Variants in TENM4 observed in about 807,000 individuals in gnomAD.
TENM4 encodes teneurin-4.
A neutral mutation model predicts 243.3 loss-of-function variants in TENM4; 82 were observed. That is an observed-to-expected ratio of 0.34 (90% CI 0.28 to 0.40). TENM4 has a LOEUF of 0.40. TENM4 is among the 10% of genes least tolerant of loss of function. The pLI is 1.00. For synonymous variants in TENM4, 1,412 were observed against 1,456.3 expected (o/e 0.97, Z 0.69); for missense variants, 3,138 against 3,673.3 (o/e 0.85, Z 3.77).
chr11:79,203,363 T>A (rs1863786172), intron 3 of TENM4, among the ~76,000 whole-genome samples: 1 of 152,206 alleles, frequency 6.6e-6, no homozygotes, highest in Admixed American at 6.5e-5. Context: ...ACAACCCAAA[T>A]GTCCATCAGC....
At chr11:79,248,608 G>T (rs1356985490) in intron 2 of TENM4, among the ~76,000 whole-genome samples, 2 of 152,200 alleles carry the variant, frequency 1.3e-5, no homozygotes, top group African/African-American at 2.4e-5. Flanking sequence ...ATTTTCAGGG[G>T]GAAAAAGTCT....
At chr11:79,298,113 T>C (rs527651112) in intron 1 of TENM4, among the ~76,000 whole-genome samples, 1 of 152,164 alleles carries the variant, frequency 6.6e-6, no homozygotes, top group East Asian at 1.9e-4. Flanking sequence ...TTCATCAGTT[T>C]CTCCAAGGCC....
chr11:78,763,397 G>A (rs1334454735), intron 18 of TENM4, among the ~76,000 whole-genome samples: 1 of 152,120 alleles, frequency 6.6e-6, no homozygotes, highest in Non-Finnish European at 1.5e-5. Flanking sequence ...AAAAAAGAAG[G>A]GGGGCCAGCA....
At chr11:79,077,377 C>T (rs1252936982) in intron 4 of TENM4, among the ~76,000 whole-genome samples, 2 of 152,046 alleles carry the variant, frequency 1.3e-5, no homozygotes, top group Non-Finnish European at 2.9e-5. Context: ...AAATGAAAAC[C>T]AAAGAATGTC....
In TENM4 at chr11:78,928,267, G is replaced by A. The variant is rs141889357; in HGVS notation, c.494-24744C>T. Among the ~76,000 whole-genome samples, 1,073 of 152,300 alleles carry A rather than the reference G, an allele frequency of 7.0e-3. 15 individuals are homozygous for A. The highest frequency in any genetic ancestry group is 0.024 in the African/African-American group (993 of 41,558). ...GAAGGAGATTAGGAGGACCAGGGCT[G>A]TCCTACCCAGCTTGCTGGAAAGTTT... is the stretch of plus-strand genomic sequence containing the variant. On this transcript the variant is annotated intron_variant, in intron 6 of 33. Coordinates refer to ENST00000278550, the MANE Select transcript of TENM4 (RefSeq NM_001098816.3).
intron 1 of TENM4, among the ~76,000 whole-genome samples, chr11:79,344,753 C>T (rs1305570774): frequency 1.3e-5 from 2 of 152,308 alleles, no homozygotes; most frequent in Admixed American, 6.5e-5. Flanking sequence ...GCAGAGTAAT[C>T]AGGCCATCTG....
intron 19 of TENM4, among the ~76,000 whole-genome samples, chr11:78,744,758 C>A (rs961481535): frequency 4.6e-5 from 7 of 152,300 alleles, no homozygotes; most frequent in African/African-American, 1.7e-4. Flanking sequence ...CGCTGGTTCA[C>A]CTTGGGAAGG....
intron 4 of TENM4, among the ~76,000 whole-genome samples, chr11:79,130,606 G>A (rs1356284663): frequency 6.6e-6 from 1 of 152,118 alleles, no homozygotes; most frequent in Non-Finnish European, 1.5e-5. Flanking sequence ...GGTGGATCAC[G>A]AGATCAGGAG....
At chr11:78,926,631 A>G (rs1031429814) in intron 6 of TENM4, among the ~76,000 whole-genome samples, 2 of 151,388 alleles carry the variant, frequency 1.3e-5, no homozygotes, top group African/African-American at 4.8e-5. Context: ...AATTTTGTAC[A>G]CATATCACTT....
At chr11:79,192,306 C>T (rs191018706) in intron 3 of TENM4, among the ~76,000 whole-genome samples, 3 of 152,300 alleles carry the variant, frequency 2.0e-5, no homozygotes, top group South Asian at 2.1e-4. Flanking sequence ...ATGACGATGG[C>T]GGTTTTCTGG....
At chr11:79,188,424 T>C (rs1004971541) in intron 3 of TENM4, among the ~76,000 whole-genome samples, 1 of 152,094 alleles carries the variant, frequency 6.6e-6, no homozygotes, top group South Asian at 2.1e-4. Context: ...GCAGGATTCA[T>C]AGACCCCAGC....
chr11:78,730,632 A>G (rs141718066), intron 21 of TENM4, among the ~76,000 whole-genome samples: 119 of 152,348 alleles, frequency 7.8e-4, no homozygotes, highest in African/African-American at 2.3e-3. Context: ...CAGACAGCAA[A>G]AGCAGATAAC....
intron 6 of TENM4, among the ~76,000 whole-genome samples, chr11:79,001,330 G>T (rs890665547): frequency 6.6e-6 from 1 of 152,134 alleles, no homozygotes; most frequent in African/African-American, 2.4e-5. Flanking sequence ...TGCAGATGCT[G>T]GGCTGAAGGC....
In TENM4 at chr11:79,379,505, T is replaced by C. The variant is rs140031303; in HGVS notation, c.-321+61004A>G. On this transcript the variant is annotated intron_variant, in intron 1 of 33. Coordinates refer to ENST00000278550, the MANE Select transcript of TENM4 (RefSeq NM_001098816.3). ...AATGGACTGGATCAGGGTGGTCCAA[T>C]TTGAGATGGAGAGACGGATGGGTTC... is the stretch of plus-strand genomic sequence containing the variant. 1.8e-4 allele frequency among the ~76,000 whole-genome samples: 28 copies of C among 152,196 alleles called. No homozygotes were observed. The East Asian group carries it at 5.4e-3, about 29-fold the overall frequency.
At chr11:78,993,645 T>C (rs1025274300) in intron 6 of TENM4, among the ~76,000 whole-genome samples, 27 of 152,284 alleles carry the variant, frequency 1.8e-4, no homozygotes, top group African/African-American at 6.3e-4. Context: ...GTGTACAATC[T>C]GCTGTTAAAC....
rs555053245 is a variant in TENM4, at chr11:79,236,759, G to A, written c.-264-20850C>T. ...AACAATATACTGACTCCCTTGCGGCGAGACCCAAGTTCTATGGAGCAAATG... is the reference window on the plus strand; with the variant it reads ...AACAATATACTGACTCCCTTGCGGCAAGACCCAAGTTCTATGGAGCAAATG... On this transcript the variant is annotated intron_variant, in intron 2 of 33. Transcript: ENST00000278550. Among the ~76,000 whole-genome samples the A allele has an allele frequency of 4.6e-5, 7 of 152,254 alleles. No homozygotes were observed. The South Asian group carries it at 1.0e-3, about 23-fold the overall frequency.
At chr11:79,336,651 A>G (rs1857152829) in intron 1 of TENM4, among the ~76,000 whole-genome samples, 1 of 152,226 alleles carries the variant, frequency 6.6e-6, no homozygotes, top group Non-Finnish European at 1.5e-5. Context: ...TAAAATGGGA[A>G]TTACAATGCC....
At chr11:79,130,349 C>T (rs2137158726) in intron 4 of TENM4, among the ~76,000 whole-genome samples, 1 of 152,252 alleles carries the variant, frequency 6.6e-6, no homozygotes, top group African/African-American at 2.4e-5. Flanking sequence ...CCCCAAAAAT[C>T]ACACGAGTTC....
rs565729079 is a variant in TENM4 at position 78,859,434 on chromosome 11, G to C, written c.1256-3256C>G. Among the ~76,000 whole-genome samples the C allele has an allele frequency of 2.6e-5, 4 of 152,340 alleles. No individual in the cohort carries two copies. In the East Asian group the frequency reaches 7.7e-4, roughly 29 times the overall value. Reference sequence around the variant, plus strand: ...AATAGTCCTTTGCTTTGTAAAGCTAGATAGATTCAGGCTTCCCATAGCAAT... The same window carrying C: ...AATAGTCCTTTGCTTTGTAAAGCTACATAGATTCAGGCTTCCCATAGCAAT... On this transcript the variant is annotated intron_variant, in intron 10 of 33. Coordinates refer to ENST00000278550, the MANE Select transcript of TENM4 (RefSeq NM_001098816.3).
Sources: allele counts gnomAD v4.1 joint callset (sites outside exome capture counted in the v4.1 genomes callset), GRCh38; gene constraint gnomAD v4.1.1; transcripts MANE v1.5; gene names NCBI Gene and HGNC (gene_info 2026-07-23, HGNC 2026-07-21).